CERS6: variants seen among roughly 807,000 people sequenced by gnomAD.
CERS6 encodes the protein ceramide synthase 6.
Under a neutral mutation model 56.8 loss-of-function variants are expected in CERS6, and 26 were observed. That is an observed-to-expected ratio of 0.46 (90% CI 0.34 to 0.63). CERS6 has a LOEUF of 0.63. Ranked by LOEUF, CERS6 falls within the 30% of genes least tolerant of loss-of-function variation. The pLI is 0.01. For missense variants in CERS6, 415 were observed against 467.5 expected, an observed-to-expected ratio of 0.89 and a Z score of 1.04; for synonymous variants, 164 against 173.3, an observed-to-expected ratio of 0.95 and a Z score of 0.42.
rs982557516 is a variant in CERS6 at position 168,619,977 on chromosome 2, G to A, written c.408-11008G>A. Among the ~76,000 whole-genome samples, 13 of 136,156 alleles carry A rather than the reference G, an allele frequency of 9.5e-5. 1 individual carries two copies. The highest frequency in any genetic ancestry group is 1.7e-4 in the Non-Finnish European group (11 of 63,980). The allele number at this position is 136,156 out of a possible 152,430, so 89.3% of individuals were successfully genotyped here. A position where few individuals can be genotyped will look rare whatever the true frequency, so the allele number is the denominator to read the frequency against. ...GTGGACACAGTTTATTTATCCCCTC[G>A]TTGATTGATGGGCATTTGGGCTGGT... is the stretch of plus-strand genomic sequence containing the variant. On this transcript the variant is annotated intron_variant, in intron 3 of 9. Transcript: ENST00000305747.
intron 4 of CERS6, among the ~76,000 whole-genome samples, chr2:168,649,851 T>C (rs1481676003): frequency 6.6e-6 from 1 of 152,042 alleles, no homozygotes; most frequent in East Asian, 1.9e-4. Context: ...AGTCTGTGAC[T>C]GTACTTGTCA....
intron 3 of CERS6, among the ~76,000 whole-genome samples, chr2:168,587,350 A>C (rs562994632): frequency 2.2e-4 from 33 of 152,320 alleles, no homozygotes; most frequent in Admixed American, 5.9e-4. Flanking sequence ...TGACCTGAGG[A>C]GATCATATCC....
At chr2:168,511,322 C>T (rs1172789883) in intron 1 of CERS6, among the ~76,000 whole-genome samples, 1 of 152,178 alleles carries the variant, frequency 6.6e-6, no homozygotes, top group Admixed American at 6.5e-5. Context: ...CTTTTGTTTA[C>T]TTTTCTTATC....
At chr2:168,492,754 C>T (rs1019071291) in intron 1 of CERS6, among the ~76,000 whole-genome samples, 2 of 151,982 alleles carry the variant, frequency 1.3e-5, no homozygotes, top group South Asian at 2.1e-4. Context: ...TTAGGTCTTA[C>T]GTTTAAGTTT....
intron 1 of CERS6, among the ~76,000 whole-genome samples, chr2:168,538,055 G>A (rs996087366): frequency 1.3e-5 from 2 of 152,046 alleles, no homozygotes; most frequent in Admixed American, 1.3e-4. Context: ...TGCCTCTTTT[G>A]CTGCCACCAC....
intron 4 of CERS6, among the ~76,000 whole-genome samples, chr2:168,631,448 A>C (rs1474644348): frequency 1.5e-5 from 2 of 130,156 alleles, no homozygotes; most frequent in African/African-American, 2.9e-5. Context: ...TATTTATATT[A>C]TATATTATAT....
intron 1 of CERS6, among the ~76,000 whole-genome samples, chr2:168,529,946 G>A (rs1441286964): frequency 2.0e-5 from 3 of 147,868 alleles, no homozygotes; most frequent in African/African-American, 4.9e-5. Flanking sequence ...GACAAATCCA[G>A]CAGTCACAGG....
At chr2:168,577,178 A>T (rs555686313) in intron 3 of CERS6, among the ~76,000 whole-genome samples, 1 of 152,290 alleles carries the variant, frequency 6.6e-6, no homozygotes, top group South Asian at 2.1e-4. Flanking sequence ...ACATCTGAGG[A>T]TGGAGGCTTG....
rs925674923 is a variant in CERS6 at position 168,772,749 on chromosome 2, G to A, written c.*3087G>A. ...ATTTTGGATTATTCAAGTGTATGTG[G>A]TAAAAATGCAGATGATTGCTGCTTT... On this transcript the variant is annotated 3_prime_UTR_variant, in exon 10 of 10. Coordinates refer to ENST00000305747, the MANE Select transcript of CERS6 (RefSeq NM_203463.3). The A allele has an allele frequency of 2.6e-5, 4 of 152,650 alleles. No individual in the cohort carries two copies. Among genetic ancestry groups the A allele is most frequent in the Non-Finnish European group, 5.9e-5 (4 of 68,040 alleles). 9.5% of individuals were successfully genotyped at this position (152,650 alleles called of 1,614,324 possible).
rs181485630 is a variant in CERS6, at chr2:168,501,166, A to G, written c.170+44548A>G. Among the ~76,000 whole-genome samples, 701 of 152,354 alleles carry G rather than the reference A, an allele frequency of 4.6e-3. 3 individuals are homozygous for G. The highest frequency in any genetic ancestry group is 5.4e-3 in the Non-Finnish European group (368 of 68,036). On this transcript the variant is annotated intron_variant, in intron 1 of 9. Transcript: ENST00000305747. ...CGTTGTTGCCTTTTCTTTGAGCCCAAGGATGAGGCTTTGGTTAACTTGAGT... is the reference window on the plus strand; with the variant it reads ...CGTTGTTGCCTTTTCTTTGAGCCCAGGGATGAGGCTTTGGTTAACTTGAGT...
intron 1 of CERS6, among the ~76,000 whole-genome samples, chr2:168,535,669 GTTTTTT>G (rs59139047): frequency 3.5e-5 from 4 of 115,592 alleles, no homozygotes; most frequent in Middle Eastern, 9.7e-3. Context: ...TTTGATACCA[GTTTTTT>G]TTTTTTTTTT....
At chr2:168,673,060 GATAAACCAAATTAAGATTTCATT>G (rs1685962414) in intron 4 of CERS6, among the ~76,000 whole-genome samples, 1 of 152,186 alleles carries the variant, frequency 6.6e-6, no homozygotes, top group Non-Finnish European at 1.5e-5. Flanking sequence ...ATTGAGTAAT[GATAAACCAAATTAAGATTTCATT>G]CTGAATTCTA....
chr2:168,493,735 A>G (rs1389845865), intron 1 of CERS6, among the ~76,000 whole-genome samples: 1 of 152,128 alleles, frequency 6.6e-6, no homozygotes, highest in Non-Finnish European at 1.5e-5. Context: ...GGTTATTGTC[A>G]AAGTGATAAG....
intron 8 of CERS6, among the ~76,000 whole-genome samples, chr2:168,741,358 A>G (rs72879889): frequency 0.1 from 14,093 of 137,844 alleles, 1,021 homozygotes; most frequent in African/African-American, 0.21. Context: ...AGTTATATGT[A>G]TGGATTTGGA....
At chr2:168,627,478 G>A (rs922336393) in intron 3 of CERS6, among the ~76,000 whole-genome samples, 1 of 152,168 alleles carries the variant, frequency 6.6e-6, no homozygotes, top group African/African-American at 2.4e-5. Flanking sequence ...TTGCCTGGCA[G>A]AAGCTTTCTT....
intron 4 of CERS6, among the ~76,000 whole-genome samples, chr2:168,668,748 C>T: frequency 6.6e-6 from 1 of 152,298 alleles, no homozygotes; most frequent in East Asian, 1.9e-4. Flanking sequence ...GCCACCATGC[C>T]AGGCTGCAAC....
intron 8 of CERS6, among the ~76,000 whole-genome samples, chr2:168,763,749 A>T (rs1194617606): frequency 6.6e-6 from 1 of 152,220 alleles, no homozygotes; most frequent in African/African-American, 2.4e-5. Flanking sequence ...CTCCTGTAGA[A>T]TCAGATTGTC....
intron 2 of CERS6, among the ~76,000 whole-genome samples, chr2:168,558,191 A>G (rs1695717819): frequency 6.6e-6 from 1 of 152,228 alleles, no homozygotes; most frequent in African/African-American, 2.4e-5. Context: ...ATCACTAGTA[A>G]GAATAACTTT....
chr2:168,590,721 A>G (rs577829446), intron 3 of CERS6, among the ~76,000 whole-genome samples: 16 of 152,352 alleles, frequency 1.1e-4, no homozygotes, highest in South Asian at 4.1e-4. Context: ...AGTGGTGGAC[A>G]TTGGATTAAG....
Sources: allele counts gnomAD v4.1 joint callset (sites outside exome capture counted in the v4.1 genomes callset), GRCh38; gene constraint gnomAD v4.1.1; transcripts MANE v1.5; gene names NCBI Gene and HGNC (gene_info 2026-07-23, HGNC 2026-07-21).